NDE1: variants seen among roughly 807,000 people sequenced by gnomAD.
The protein encoded by NDE1 is nuclear distribution protein nudE homolog 1.
In NDE1, 28 loss-of-function variants were observed where a neutral mutation model predicts 43.4. The ratio of observed to expected loss-of-function variants is 0.65; its 90% CI spans 0.48 to 0.89. NDE1 has a LOEUF of 0.89. NDE1 is among the 40% of genes least tolerant of loss of function. The pLI is 0.00. For synonymous variants in NDE1, 184 were observed against 172.0 expected (o/e 1.07, Z -0.55); for missense variants, 441 against 434.1 (o/e 1.02, Z -0.14).
intron 5 of NDE1, among the ~76,000 whole-genome samples, chr16:15,690,368 T>C (rs1476640582): frequency 1.6e-5 from 2 of 126,280 alleles, no homozygotes; most frequent in African/African-American, 3.0e-5. Flanking sequence ...TTTTTTTTTT[T>C]TTTTTTTTTT....
chr16:15,688,602 C>T (rs1418545710), intron 5 of NDE1, among the ~76,000 whole-genome samples: 4 of 131,566 alleles, frequency 3.0e-5, no homozygotes, highest in Non-Finnish European at 4.6e-5. Flanking sequence ...CATTGCACTC[C>T]AGCCTGGGTG....
chr16:15,712,074 G>A (rs1475985751), intron 8 of NDE1, among the ~76,000 whole-genome samples: 1 of 152,122 alleles, frequency 6.6e-6, no homozygotes, highest in Non-Finnish European at 1.5e-5. Context: ...ACGTTAAGAA[G>A]GACCACGAGG....
chr16:15,686,315 T>C (rs1186136886), intron 4 of NDE1: 2 of 934,644 alleles, frequency 2.1e-6, no homozygotes, highest in African/African-American at 1.8e-5. Flanking sequence ...ATTACTATCC[T>C]TGTTTTGCAT....
At position 15,716,915 on chromosome 16, in the gene NDE1, T is replaced by G. The variant is rs143155833; in HGVS notation, c.948-7276T>G. ...GTTAATGTCAGGAGGACCATGGAGATGCTAAGAGCAGCTCACACTTTAGGT... is the reference window on the plus strand; with the variant it reads ...GTTAATGTCAGGAGGACCATGGAGAGGCTAAGAGCAGCTCACACTTTAGGT... On this transcript the variant is annotated intron_variant, in intron 8 of 8. Coordinates refer to ENST00000396354, the MANE Select transcript of NDE1 (RefSeq NM_017668.3). 2.6e-4 allele frequency among the ~76,000 whole-genome samples: 39 copies of G among 152,328 alleles called. No homozygotes were observed. In the East Asian group the frequency reaches 7.3e-3, roughly 29 times the overall value.
At chr16:15,691,415 A>C (rs1053213124) in intron 6 of NDE1, 92 bp downstream of exon 6, 1 of 1,421,704 alleles carries the variant, frequency 7.0e-7, no homozygotes, top group Middle Eastern at 1.8e-4. Context: ...GATGATTTGC[A>C]TCAGGCTCAG....
chr16:15,668,653 T>C (rs931173507), intron 3 of NDE1, among the ~76,000 whole-genome samples: 1 of 152,210 alleles, frequency 6.6e-6, no homozygotes, highest in Non-Finnish European at 1.5e-5. Context: ...CTGTTGAAAT[T>C]TAATGAATTA....
At chr16:15,654,197 G>T (rs2036640929) in intron 1 of NDE1, among the ~76,000 whole-genome samples, 1 of 152,146 alleles carries the variant, frequency 6.6e-6, no homozygotes, top group Non-Finnish European at 1.5e-5. Context: ...CAGGTTAGTG[G>T]CACACAGATG....
At chr16:15,654,611 A>C (rs1001306663) in intron 1 of NDE1, among the ~76,000 whole-genome samples, 17 of 149,100 alleles carry the variant, frequency 1.1e-4, no homozygotes, top group Admixed American at 2.7e-4. Flanking sequence ...TCAAAAAAAA[A>C]AAAAACAAAA....
chr16:15,693,931 C>T (rs2038881347), intron 6 of NDE1, among the ~76,000 whole-genome samples: 1 of 152,132 alleles, frequency 6.6e-6, no homozygotes, highest in Admixed American at 6.6e-5. Flanking sequence ...CAGAGCAAGA[C>T]TAACATGTAA....
chr16:15,717,238 G>C lies in NDE1; in HGVS notation c.948-6953G>C, dbSNP rs746211825. On this transcript the variant is annotated intron_variant, in intron 8 of 8. Coordinates refer to ENST00000396354, the MANE Select transcript of NDE1 (RefSeq NM_017668.3). The stretch of plus-strand genomic sequence containing the variant: ...TGGACTTGACGGCCCCCTCCATCTC[G>C]TGGAGCTTGCTCCGGAGCTCCTTGT... The C allele has an allele frequency of 3.3e-5, 53 of 1,614,026 alleles. No homozygotes were observed. Among genetic ancestry groups the C allele is most frequent in the African/African-American group, 5.3e-5 (4 of 74,924 alleles).
intron 1 of NDE1, among the ~76,000 whole-genome samples, chr16:15,660,998 C>T (rs553116671): frequency 1.4e-4 from 21 of 152,210 alleles, no homozygotes; most frequent in African/African-American, 3.9e-4. Context: ...CAGCTATAGA[C>T]GCATGACTTT....
At chr16:15,644,631 G>GA (rs1003350505) in intron 1 of NDE1, among the ~76,000 whole-genome samples, 6 of 151,880 alleles carry the variant, frequency 4.0e-5, no homozygotes, top group Admixed American at 2.0e-4. Flanking sequence ...GAAAGAAAAA[G>GA]AAAAAAATCT....
chr16:15,653,222 C>CT (rs2036590983), intron 1 of NDE1, among the ~76,000 whole-genome samples: 1 of 152,204 alleles, frequency 6.6e-6, no homozygotes, highest in African/African-American at 2.4e-5. Flanking sequence ...ATTCAGTCCT[C>CT]TGTTGACATT....
Position 15,721,478 on chromosome 16 carries a change from T to C in NDE1, c.948-2713T>C, listed in dbSNP as rs35176378. 1,831 of 1,614,156 alleles carry C rather than the reference T, an allele frequency of 1.1e-3. 10 individuals are homozygous for C. In the African/African-American group the frequency reaches 0.014, roughly 13 times the overall value. On this transcript the variant is annotated intron_variant, in intron 8 of 8. Coordinates refer to ENST00000396354, the MANE Select transcript of NDE1 (RefSeq NM_017668.3). ...AGGTCTTCCATTTCGGCTTTGAGCA[T>C]TTTGTTGGTCCGCTCGAGTTCCTCT...
chr16:15,683,843 A>G (rs2038301927), intron 4 of NDE1, among the ~76,000 whole-genome samples: 1 of 152,076 alleles, frequency 6.6e-6, no homozygotes, highest in Non-Finnish European at 1.5e-5. Flanking sequence ...TGGGCAACAT[A>G]GTGAGACTCC....
chr16:15,654,491 C>T (rs900710637), intron 1 of NDE1, among the ~76,000 whole-genome samples: 2 of 149,252 alleles, frequency 1.3e-5, no homozygotes, highest in African/African-American at 2.5e-5. Context: ...ATCCGAGGTA[C>T]TAGGGACGCT....
In NDE1 at chr16:15,687,529, T is replaced by A. The variant is rs1387309575; in HGVS notation, c.523+18T>A. On this transcript the variant is annotated intron_variant, in intron 5 of 8. Coordinates refer to ENST00000396354, the MANE Select transcript of NDE1 (RefSeq NM_017668.3). ...AGCCAGAGGTCAGGAGGCCTTGGTG[T>A]CTTCACCAGCATGGTCCCCTCTCCC... 6.2e-7 allele frequency: 1 copy of A among 1,604,412 alleles called. No homozygotes were observed. The highest frequency in any genetic ancestry group is 8.5e-7 in the Non-Finnish European group (1 of 1,171,510).
intron 8 of NDE1, chr16:15,714,708 T>C: frequency 3.0e-6 from 2 of 675,350 alleles, no homozygotes; most frequent in South Asian, 3.6e-5. Context: ...GGTTAGCTGC[T>C]ACCAGGCAAG....
chr16:15,722,819 C>A (rs1221751046), intron 8 of NDE1, among the ~76,000 whole-genome samples: 1 of 152,198 alleles, frequency 6.6e-6, no homozygotes, highest in Admixed American at 6.5e-5. Flanking sequence ...TGGCTCACTG[C>A]AACCTCCACC....
Sources: allele counts gnomAD v4.1 joint callset (sites outside exome capture counted in the v4.1 genomes callset), GRCh38; gene constraint gnomAD v4.1.1; transcripts MANE v1.5; gene names NCBI Gene and HGNC (gene_info 2026-07-23, HGNC 2026-07-21).